The following FRMD4B variants were observed in gnomAD, a reference collection of about 807,000 sequenced individuals.
FRMD4B encodes the protein FERM domain-containing protein 4B.
In FRMD4B, 74 loss-of-function variants were observed where a neutral mutation model predicts 141.5. The observed-to-expected ratio is 0.52, with a 90% CI of 0.43 to 0.63. FRMD4B has a LOEUF of 0.63. Ranked by LOEUF, FRMD4B falls within the 30% of genes least tolerant of loss-of-function variation. The probability of loss-of-function intolerance (pLI) is 0.00; values close to 1 mark genes in which losing one functional copy is unlikely to be tolerated. For missense variants in FRMD4B, 1,366 were observed against 1,253.4 expected, an observed-to-expected ratio of 1.09 and a Z score of -1.36; for synonymous variants, 506 against 467.9, an observed-to-expected ratio of 1.08 and a Z score of -1.05.
At chr3:69,435,070 C>T (rs1421023781) in intron 1 of FRMD4B, among the ~76,000 whole-genome samples, 4 of 152,098 alleles carry the variant, frequency 2.6e-5, no homozygotes, top group African/African-American at 9.7e-5. Flanking sequence ...AGGGCCCATC[C>T]TCAAGGCCTA....
At chr3:69,450,891 C>G (rs1651765627) in intron 1 of FRMD4B, among the ~76,000 whole-genome samples, 1 of 152,338 alleles carries the variant, frequency 6.6e-6, no homozygotes, top group South Asian at 2.1e-4. Flanking sequence ...TCCCACTAAA[C>G]TAAACTTTCC....
chr3:69,444,295 G>A (rs777206050), intron 1 of FRMD4B, among the ~76,000 whole-genome samples: 29 of 152,068 alleles, frequency 1.9e-4, no homozygotes, highest in East Asian at 7.7e-4. Flanking sequence ...TCTGTGCAGC[G>A]GGCAAGAAGA....
At chr3:69,242,096 A>G (rs1348198373) in intron 7 of FRMD4B, among the ~76,000 whole-genome samples, 3 of 152,174 alleles carry the variant, frequency 2.0e-5, no homozygotes, top group Admixed American at 6.6e-5. Context: ...AAACATATTA[A>G]TAATAGTAAC....
rs113721537 is a variant in FRMD4B at position 69,232,826 on chromosome 3, T to A, written c.582-8136A>T. 2.3e-3 allele frequency among the ~76,000 whole-genome samples: 342 copies of A among 151,668 alleles called. 1 individual carries two copies. The highest frequency in any genetic ancestry group is 7.7e-3 in the African/African-American group (319 of 41,362). ...AAACTAAGACCCTTGCTGTCTATGC[T>A]TGGTGTGGGGGCATCCTCCATTTGT... On this transcript the variant is annotated intron_variant, in intron 7 of 22. Transcript: ENST00000398540.
intron 1 of FRMD4B, among the ~76,000 whole-genome samples, chr3:69,366,629 T>C (rs1703665567): frequency 6.6e-6 from 1 of 152,238 alleles, no homozygotes; most frequent in African/African-American, 2.4e-5. Flanking sequence ...TTCTAAGCCA[T>C]GCATATCTCT....
At chr3:69,313,909 G>A (rs1701697173) in intron 1 of FRMD4B, among the ~76,000 whole-genome samples, 1 of 150,704 alleles carries the variant, frequency 6.6e-6, no homozygotes, top group Non-Finnish European at 1.5e-5. Context: ...GGAGGCCGAG[G>A]CGGGCGGATC....
intron 1 of FRMD4B, among the ~76,000 whole-genome samples, chr3:69,340,735 A>G (rs1702711829): frequency 6.6e-6 from 1 of 152,196 alleles, no homozygotes; most frequent in African/African-American, 2.4e-5. Context: ...TTTGGGTTCC[A>G]TAGCTCTTAT....
intron 2 of FRMD4B, among the ~76,000 whole-genome samples, chr3:69,416,426 G>A (rs1704862153): frequency 6.6e-6 from 1 of 152,188 alleles, no homozygotes; most frequent in African/African-American, 2.4e-5. Context: ...GGCTACAGGT[G>A]TGTGCCACTG....
intron 1 of FRMD4B, among the ~76,000 whole-genome samples, chr3:69,535,211 G>A (rs1038390540): frequency 9.3e-6 from 1 of 107,152 alleles, no homozygotes; most frequent in Non-Finnish European, 2.1e-5. Context: ...GCTACAACCA[G>A]TATTCACAAC....
In FRMD4B at chr3:69,171,272, T is replaced by C. The variant is rs1373909685; in HGVS notation, c.*589A>G. On this transcript the variant is annotated 3_prime_UTR_variant, in exon 23 of 23. Coordinates refer to ENST00000398540, the MANE Select transcript of FRMD4B (RefSeq NM_015123.3). The stretch of plus-strand genomic sequence containing the variant: ...GGTGCTTATGAAAAACATCACTCTT[T>C]ATAGTATCCTAAAAAACATTTACAC... 6.6e-6 allele frequency: 1 copy of C among 152,282 alleles called. No individual in the cohort carries two copies. The highest frequency in any genetic ancestry group is 1.5e-5 in the Non-Finnish European group (1 of 68,106). 9.4% of individuals were successfully genotyped at this position (152,282 alleles called of 1,614,324 possible). A position where few individuals can be genotyped will look rare whatever the true frequency, so the allele number is the denominator to read the frequency against.
intron 9 of FRMD4B, 48 bp downstream of exon 9, chr3:69,221,810 A>G: frequency 1.1e-6 from 1 of 889,738 alleles, no homozygotes. Flanking sequence ...TGATACCTTC[A>G]GATGAGAGAT....
rs570763374 is a variant in FRMD4B, at chr3:69,257,142, C to G, written c.502-7043G>C. Among the ~76,000 whole-genome samples, 85 of 152,294 alleles carry G rather than the reference C, an allele frequency of 5.6e-4. 4 individuals are homozygous for G. The South Asian group carries it at 0.017, about 30-fold the overall frequency. Reference sequence around the variant, plus strand: ...CTTGAGAACCACTTCTCTAGGTTCTCTAAGTTTTATTCTTGGGTTAGGCTA... The same window carrying G: ...CTTGAGAACCACTTCTCTAGGTTCTGTAAGTTTTATTCTTGGGTTAGGCTA... On this transcript the variant is annotated intron_variant, in intron 5 of 22. Coordinates refer to ENST00000398540, the MANE Select transcript of FRMD4B (RefSeq NM_015123.3).
At chr3:69,517,532 C>T (rs1700782748) in intron 1 of FRMD4B, among the ~76,000 whole-genome samples, 1 of 152,156 alleles carries the variant, frequency 6.6e-6, no homozygotes, top group Non-Finnish European at 1.5e-5. Context: ...TAAGTCTCAT[C>T]CTTAAGATAT....
intron 1 of FRMD4B, among the ~76,000 whole-genome samples, chr3:69,496,507 G>C (rs1255738118): frequency 6.6e-6 from 1 of 151,764 alleles, no homozygotes; most frequent in African/African-American, 2.4e-5. Flanking sequence ...CTTTTTTGTT[G>C]GTTTAGACGT....
At chr3:69,205,059 C>CAAAAA (rs33955997) in intron 11 of FRMD4B, among the ~76,000 whole-genome samples, 51 of 124,432 alleles carry the variant, frequency 4.1e-4, no homozygotes, top group East Asian at 7.9e-4. Flanking sequence ...ATGTTTTTAA[C>CAAAAA]AAAAAAAAAA....
At chr3:69,258,001 T>C (rs941932080) in intron 5 of FRMD4B, among the ~76,000 whole-genome samples, 2 of 152,132 alleles carry the variant, frequency 1.3e-5, no homozygotes, top group African/African-American at 4.8e-5. Context: ...TATTTTTTTT[T>C]GTATTTTTAG....
chr3:69,272,751 A>G (rs543602008), intron 5 of FRMD4B, among the ~76,000 whole-genome samples: 31 of 152,244 alleles, frequency 2.0e-4, no homozygotes, highest in Non-Finnish European at 2.4e-4. Flanking sequence ...TGTGATGCTA[A>G]CAGTAATGGA....
At chr3:69,353,576 G>A (rs2107443020) in intron 1 of FRMD4B, 1 of 985,376 alleles carries the variant, frequency 1.0e-6, no homozygotes, top group East Asian at 1.1e-4. Context: ...CTCATTTAAA[G>A]GAACTGAAGA....
In FRMD4B at chr3:69,461,791, T is replaced by G. The variant is rs540895937; in HGVS notation, c.-128-29030A>C. Among the ~76,000 whole-genome samples the G allele has an allele frequency of 3.6e-4, 55 of 152,246 alleles. No individual in the cohort carries two copies. In the South Asian group the frequency reaches 0.011, roughly 32 times the overall value. ...ATCATGACTGTCAGGTAACAATATA[T>G]CCTGGATTTTTCCAGGACGGCCCCA... On this transcript the variant is annotated intron_variant, in intron 1 of 5. Transcript: ENST00000459638.
Sources: gnomAD v4.1 joint callset for allele counts (sites outside exome capture counted in the v4.1 genomes callset) on GRCh38, gnomAD v4.1.1 for gene constraint, MANE v1.5 for transcripts, NCBI Gene and HGNC (gene_info 2026-07-23, HGNC 2026-07-21) for gene names.